The following SCAF4 variants were observed in gnomAD, a reference collection of about 807,000 sequenced individuals.
SCAF4 encodes SR-related CTD associated factor 4.
A neutral mutation model predicts 129.8 loss-of-function variants in SCAF4; 25 were observed. That is an observed-to-expected ratio of 0.19 (90% CI 0.14 to 0.27). The LOEUF (loss-of-function observed/expected upper bound fraction) is 0.27. SCAF4 is among the 10% of genes least tolerant of loss of function. The pLI, the probability that SCAF4 is intolerant of heterozygous loss-of-function variation, is 1.00. For synonymous variants in SCAF4, 551 were observed against 497.7 expected (o/e 1.11, Z -1.43); for missense variants, 1,246 against 1,457.1 (o/e 0.86, Z 2.36).
intron 1 of SCAF4, among the ~76,000 whole-genome samples, chr21:31,723,609 G>GTTTTGTGTGTGTGTGTGT (rs112184778): frequency 1.5e-3 from 212 of 146,076 alleles, no homozygotes; most frequent in African/African-American, 4.9e-3. Context: ...TGATTTATAT[G>GTTTTGTGTGTGTGTGTGT]ATGTGTGTGT....
chr21:31,676,697 A>G (rs1002848353), intron 19 of SCAF4, among the ~76,000 whole-genome samples: 1 of 152,198 alleles, frequency 6.6e-6, no homozygotes, highest in Non-Finnish European at 1.5e-5. Flanking sequence ...AATTTCAGTA[A>G]GGTAAAATTC....
intron 1 of SCAF4, among the ~76,000 whole-genome samples, chr21:31,725,647 C>T (rs1046628528): frequency 1.3e-5 from 2 of 152,086 alleles, no homozygotes; most frequent in African/African-American, 2.4e-5. Flanking sequence ...AGTCCCTTTC[C>T]GTGGTTTGAG....
intron 3 of SCAF4, among the ~76,000 whole-genome samples, 169 bp from the exon 4 acceptor site, chr21:31,704,095 GTCT>G (rs1189983503): frequency 1.3e-5 from 2 of 151,892 alleles, no homozygotes; most frequent in African/African-American, 2.4e-5. Flanking sequence ...AATTTCCCAT[GTCT>G]ATAATGGAAC....
intron 1 of SCAF4, chr21:31,706,751 G>T: frequency 4.3e-6 from 1 of 234,002 alleles, no homozygotes; most frequent in South Asian, 5.9e-5. Context: ...GGAGCAAAGA[G>T]AAAACAGACT....
intron 7 of SCAF4, among the ~76,000 whole-genome samples, chr21:31,697,319 T>TA (rs1185721161): frequency 2.6e-5 from 4 of 151,662 alleles, no homozygotes; most frequent in East Asian, 1.9e-4. Context: ...AACTTTCATG[T>TA]AAAAAAAAAT....
intron 1 of SCAF4, among the ~76,000 whole-genome samples, chr21:31,711,376 T>C (rs944126591): frequency 6.6e-6 from 1 of 152,220 alleles, no homozygotes; most frequent in African/African-American, 2.4e-5. Flanking sequence ...ATGCCTTCAC[T>C]GAACAGATAC....
chr21:31,726,084 C>T (rs1234329755), intron 1 of SCAF4, among the ~76,000 whole-genome samples: 1 of 149,868 alleles, frequency 6.7e-6, no homozygotes, highest in Non-Finnish European at 1.5e-5. Flanking sequence ...CTCGCTCTGT[C>T]GCCCAGGCTG....
intron 3 of SCAF4, 79 bp downstream of exon 3, chr21:31,705,344 A>C (rs2050631195): frequency 3.0e-6 from 2 of 670,660 alleles, no homozygotes; most frequent in South Asian, 4.1e-5. Context: ...GTTTAGAAAC[A>C]AGCATTGAGA....
At chr21:31,713,456 T>C (rs1243854257) in intron 1 of SCAF4, among the ~76,000 whole-genome samples, 1 of 152,098 alleles carries the variant, frequency 6.6e-6, no homozygotes, top group Admixed American at 6.6e-5. Context: ...ACAGAGTAAA[T>C]ACACAATAGA....
chr21:31,692,494 G>A (rs752267820), intron 12 of SCAF4, 45 bp from the exon 13 acceptor site: 7 of 1,267,404 alleles, frequency 5.5e-6, no homozygotes, highest in Non-Finnish European at 8.0e-6. Context: ...ATTTGATAAT[G>A]AGCAGCACTG....
Position 31,731,668 on chromosome 21 carries a change from G to T in SCAF4, c.25C>A (p.Gln9Lys). 1 of 1,586,238 alleles carries T rather than the reference G, an allele frequency of 6.3e-7. No individual in the cohort carries two copies. ...CTGCCCCAAACACCCCTTACCTCCT[G>T]GTTGAAGGCGTTGACGGCGTCCATG... MDAVNAFN[Q>K]ELFSLMDMKP... Residue 9 changes from glutamine (Q) to lysine (K), a missense_variant, in exon 1 of 20, where the codon CAG becomes AAG. Physicochemically the swap from Gln to Lys is moderately conservative, Grantham distance 53 (BLOSUM62 1). Around this residue, in one of 6 missense-constraint regions of SCAF4, gnomAD observed 56 missense variants for 139.4 expected, o/e 0.40. Coordinates refer to ENST00000286835, the MANE Select transcript of SCAF4 (RefSeq NM_020706.2).
At chr21:31,696,012 G>A (rs1004240533) in intron 9 of SCAF4, 101 bp downstream of exon 9, 12 of 690,396 alleles carry the variant, frequency 1.7e-5, no homozygotes, top group African/African-American at 3.7e-5. Context: ...GATATAGTAC[G>A]ACTTAGCCAA....
chr21:31,690,778 A>G lies in SCAF4; in HGVS notation c.1885+19T>C. The G allele has an allele frequency of 6.2e-7, 1 of 1,603,896 alleles. No individual in the cohort carries two copies. Among genetic ancestry groups the G allele is most frequent in the Non-Finnish European group, 8.5e-7 (1 of 1,174,866 alleles). On this transcript the variant is annotated intron_variant, in intron 15 of 19. Transcript: ENST00000286835. ...CAAGCAAATAAGTGAACTGTAAGAGAAATTAAATACTGCTTTACCTGGGTT... is the reference window on the plus strand; with the variant it reads ...CAAGCAAATAAGTGAACTGTAAGAGGAATTAAATACTGCTTTACCTGGGTT...
chr21:31,700,790 T>C (rs776079277), intron 7 of SCAF4: 4 of 508,144 alleles, frequency 7.9e-6, no homozygotes, highest in Non-Finnish European at 1.4e-5. Context: ...TAAATTCAGC[T>C]TCAAACCCTG....
intron 1 of SCAF4, among the ~76,000 whole-genome samples, chr21:31,717,902 T>C (rs1430669332): frequency 0.019 from 1,836 of 95,436 alleles, 39 homozygotes; most frequent in African/African-American, 0.06. Context: ...TATACACATA[T>C]ATACACACAC....
intron 1 of SCAF4, among the ~76,000 whole-genome samples, chr21:31,725,933 G>T (rs1359765275): frequency 6.6e-6 from 1 of 151,598 alleles, no homozygotes; most frequent in Non-Finnish European, 1.5e-5. Context: ...TAAGTTTATT[G>T]TTATTTTTAG....
chr21:31,693,353 T>C lies in SCAF4; in HGVS notation c.1454A>G (p.Glu485Gly). 1 of 1,549,572 alleles carries C rather than the reference T, an allele frequency of 6.5e-7. No homozygotes were observed. Among genetic ancestry groups the C allele is most frequent in the Non-Finnish European group, 8.8e-7 (1 of 1,135,028 alleles). Residue 485 changes from glutamate (E) to glycine (G), a missense_variant, in exon 12 of 20, where the codon GAA becomes GGA. Glu to Gly is a moderately conservative substitution (Grantham distance 98). Coordinates refer to ENST00000286835, the MANE Select transcript of SCAF4 (RefSeq NM_020706.2). ...TTTTTGTCGACGTTCTCTCTCTTTT[T>C]CTCGATCCCGTCTTTCTTGAGATCG... ...RSRSQERRDR[E>G]KERERRQKGL...
rs2050519273 is a variant in SCAF4, at chr21:31,701,063, T to A, written c.709A>T (p.Thr237Ser). 7 of 1,613,960 alleles carry A rather than the reference T, an allele frequency of 4.3e-6. No individual in the cohort carries two copies. The highest frequency in any genetic ancestry group is 5.9e-6 in the Non-Finnish European group (7 of 1,179,986). Residue 237 changes from threonine to serine, a missense_variant, in exon 7 of 20, where the codon ACT becomes TCT. Thr to Ser is a moderately conservative substitution (Grantham distance 58, BLOSUM62 1). Transcript: ENST00000286835. ...VQAITAQLKTTPTQPSEQKAA... is the reference protein window; with the variant it reads ...VQAITAQLKTSPTQPSEQKAA... ...TTTTGTTCAGATGGTTGTGTAGGAG[T>A]TGTCTTTAACTGAGCTGTGATAGCC...
intron 1 of SCAF4, among the ~76,000 whole-genome samples, chr21:31,713,684 C>T (rs2050857221): frequency 7.5e-6 from 1 of 133,376 alleles, no homozygotes; most frequent in Admixed American, 9.0e-5. Flanking sequence ...CTGCTAGTCA[C>T]CTTTCAATAA....
Sources: gnomAD v4.1 joint callset for allele counts (sites outside exome capture counted in the v4.1 genomes callset) on GRCh38, gnomAD v4.1.1 for gene constraint, gnomAD v4.1.1 regional missense constraint, MANE v1.5 for transcripts, NCBI Gene and HGNC (gene_info 2026-07-23, HGNC 2026-07-21) for gene names.